The following HOOK1 variants were observed in gnomAD, a reference collection of about 807,000 sequenced individuals.
The protein encoded by HOOK1 is hook microtubule tethering protein 1, also known as protein Hook homolog 1.
Under a neutral mutation model 112.8 loss-of-function variants are expected in HOOK1, and 60 were observed. That is an observed-to-expected ratio of 0.53 (90% CI 0.43 to 0.66). The LOEUF is 0.66. Among genes scored for constraint, HOOK1 ranks in the 30% least tolerant of loss-of-function variants. The pLI is 0.00. For missense variants in HOOK1, 770 were observed against 856.0 expected, an observed-to-expected ratio of 0.90 and a Z score of 1.25; for synonymous variants, 294 against 283.8, an observed-to-expected ratio of 1.04 and a Z score of -0.36.
At chr1:59,819,784 G>A (rs1181270833) in intron 1 of HOOK1, among the ~76,000 whole-genome samples, 1 of 152,150 alleles carries the variant, frequency 6.6e-6, no homozygotes, top group East Asian at 1.9e-4. Context: ...TAAGTTGGAA[G>A]GGCTGAAAAG....
At chr1:59,866,798 C>T (rs1384022515) in intron 19 of HOOK1, among the ~76,000 whole-genome samples, 2 of 152,192 alleles carry the variant, frequency 1.3e-5, no homozygotes, top group African/African-American at 4.8e-5. Flanking sequence ...ACAGAGTTTA[C>T]TTAAGCATTA....
intron 9 of HOOK1, 38 bp from the exon 10 acceptor site, chr1:59,847,007 A>G: frequency 6.6e-7 from 1 of 1,521,050 alleles, no homozygotes; most frequent in Non-Finnish European, 8.9e-7. Context: ...ATAACAAATC[A>G]TGGAAGTTAT....
At chr1:59,839,636 C>T (rs747687574) in intron 7 of HOOK1, among the ~76,000 whole-genome samples, 1 of 152,148 alleles carries the variant, frequency 6.6e-6, no homozygotes, top group African/African-American at 2.4e-5. Context: ...CATCTGCAAA[C>T]AGAGACAATT....
chr1:59,821,127 G>A (rs929784796), intron 1 of HOOK1, among the ~76,000 whole-genome samples: 1 of 152,150 alleles, frequency 6.6e-6, no homozygotes, highest in African/African-American at 2.4e-5. Context: ...GGTGTTTATA[G>A]GTTGAGATTA....
chr1:59,843,039 G>A (rs895537455), intron 8 of HOOK1, among the ~76,000 whole-genome samples: 3 of 151,966 alleles, frequency 2.0e-5, no homozygotes, highest in Middle Eastern at 6.8e-3. Flanking sequence ...GAACATATGT[G>A]TGTATATTTT....
Position 59,872,996 on chromosome 1 carries a change from A to C in HOOK1, c.*31A>C, listed in dbSNP as rs994196845. On this transcript the variant is annotated 3_prime_UTR_variant, in exon 22 of 22. Transcript: ENST00000371208. ...AAAAAAAACAAAACAAAACAAAAAA[A>C]CCACATAAAATAGAAGTGTCCTTAA... The C allele has an allele frequency of 3.5e-6, 5 of 1,421,160 alleles. No homozygotes were observed. Among genetic ancestry groups the C allele is most frequent in the South Asian group, 1.6e-5 (1 of 64,000 alleles). 88.0% of individuals were successfully genotyped at this position (1,421,160 alleles called of 1,614,324 possible).
rs1301615876 is a variant in HOOK1, at chr1:59,872,973, A to T, written c.*8A>T. 6.9e-7 allele frequency: 1 copy of T among 1,447,922 alleles called. No individual in the cohort carries two copies. The highest frequency in any genetic ancestry group is 2.6e-5 in the East Asian group (1 of 38,516). The allele number at this position is 1,447,922 out of a possible 1,614,324, so 89.7% of individuals were successfully genotyped here. On this transcript the variant is annotated 3_prime_UTR_variant, in exon 22 of 22. Transcript: ENST00000371208. ...GCTACAACATCTGATTAAACTGCAA[A>T]AAAAACAAAACAAAACAAAAAAACC...
chr1:59,845,612 T>C (rs1370284762), intron 9 of HOOK1, among the ~76,000 whole-genome samples: 1 of 151,876 alleles, frequency 6.6e-6, no homozygotes, highest in Non-Finnish European at 1.5e-5. Flanking sequence ...TGTTGATTTT[T>C]GTCAGATGAT....
At chr1:59,835,274 A>C (rs1354592260) in intron 5 of HOOK1, 71 bp from the exon 6 acceptor site, 10 of 822,130 alleles carry the variant, frequency 1.2e-5, no homozygotes, top group Admixed American at 2.0e-5. Flanking sequence ...TTTATAGTCT[A>C]TTAATTTGAT....
intron 9 of HOOK1, among the ~76,000 whole-genome samples, chr1:59,845,203 A>G (rs1393821103): frequency 6.6e-6 from 1 of 151,886 alleles, no homozygotes; most frequent in Admixed American, 6.6e-5. Flanking sequence ...AACCTCTTTC[A>G]TAAGAGCACT....
In HOOK1 at chr1:59,864,628, A is replaced by G; in HGVS notation, c.1627-4A>G. On this transcript the variant is annotated splice_polypyrimidine_tract_variant and splice_region_variant and intron_variant, in intron 16 of 21. Transcript: ENST00000371208. ...CTTACAGCAATTTTTTTTAAATTTT[A>G]TAGTCCAGCAAATTAAAGCAGAAGT... 1 of 1,533,004 alleles carries G rather than the reference A, an allele frequency of 6.5e-7. No homozygotes were observed. Among genetic ancestry groups the G allele is most frequent in the Non-Finnish European group, 9.0e-7 (1 of 1,114,366 alleles). 95.0% of individuals were successfully genotyped at this position (1,533,004 alleles called of 1,614,324 possible).
chr1:59,860,565 C>A (rs1419087110), intron 15 of HOOK1, among the ~76,000 whole-genome samples: 2 of 152,046 alleles, frequency 1.3e-5, no homozygotes, highest in African/African-American at 4.8e-5. Flanking sequence ...TTTCAGCATT[C>A]TTGGTTAACC....
chr1:59,872,442 C>G (rs775828878), intron 21 of HOOK1, among the ~76,000 whole-genome samples: 5 of 152,278 alleles, frequency 3.3e-5, no homozygotes, highest in Middle Eastern at 6.8e-3. Context: ...GACCACCCTT[C>G]AAGAACCTTT....
intron 7 of HOOK1, 74 bp downstream of exon 7, chr1:59,837,009 T>C: frequency 1.1e-6 from 1 of 913,248 alleles, no homozygotes; most frequent in South Asian, 1.5e-5. Flanking sequence ...CTCATAAGGC[T>C]TACAAAGAGA....
At chr1:59,836,777 C>G in intron 6 of HOOK1, 96 bp from the exon 7 acceptor site, 1 of 702,004 alleles carries the variant, frequency 1.4e-6, no homozygotes, top group Non-Finnish European at 2.3e-6. Context: ...CAAGGAAAAG[C>G]TAAATATAAA....
intron 16 of HOOK1, among the ~76,000 whole-genome samples, 196 bp downstream of exon 16, chr1:59,863,073 G>C (rs2098414442): frequency 6.6e-6 from 1 of 152,098 alleles, no homozygotes; most frequent in Non-Finnish European, 1.5e-5. Flanking sequence ...ACATTGGAAG[G>C]TGATTTCTGT....
At chr1:59,855,389 G>T (rs1474297154) in intron 12 of HOOK1, among the ~76,000 whole-genome samples, 1 of 152,052 alleles carries the variant, frequency 6.6e-6, no homozygotes, top group African/African-American at 2.4e-5. Context: ...GTGGTATTTG[G>T]TTTTCTGTTC....
intron 9 of HOOK1, among the ~76,000 whole-genome samples, chr1:59,846,592 T>TCCCTCCCTC (rs374267510): frequency 9.2e-5 from 4 of 43,354 alleles, no homozygotes; most frequent in African/African-American, 2.5e-4. Context: ...CCTTCCTCCC[T>TCCCTCCCTC]CCTCCCTCCC....
At chr1:59,868,433 G>T in intron 20 of HOOK1, 82 bp downstream of exon 20, 1 of 857,934 alleles carries the variant, frequency 1.2e-6, no homozygotes, top group Non-Finnish European at 1.9e-6. Context: ...TGTCATTAAT[G>T]ATCAAGTTTT....
Sources: gnomAD v4.1 joint callset for allele counts (sites outside exome capture counted in the v4.1 genomes callset) on GRCh38, gnomAD v4.1.1 for gene constraint, MANE v1.5 for transcripts, NCBI Gene and HGNC (gene_info 2026-07-23, HGNC 2026-07-21) for gene names.